GPATCH1: variants seen among roughly 807,000 people sequenced by gnomAD.
GPATCH1 encodes G patch domain-containing protein 1.
A neutral mutation model predicts 114.9 loss-of-function variants in GPATCH1; 73 were observed. That is an observed-to-expected ratio of 0.64 (90% confidence interval 0.53 to 0.77). The LOEUF (loss-of-function observed/expected upper bound fraction) is 0.77. Ranked by LOEUF, GPATCH1 falls within the 30% of genes least tolerant of loss-of-function variation. The pLI is 0.00. For missense variants in GPATCH1, 1,058 were observed against 1,144.3 expected (o/e 0.92, Z 1.09); for synonymous variants, 391 against 428.4 (o/e 0.91, Z 1.08).
chr19:33,085,140 C>T (rs1172800968), intron 1 of GPATCH1, among the ~76,000 whole-genome samples: 3 of 152,126 alleles, frequency 2.0e-5, no homozygotes, highest in Non-Finnish European at 4.4e-5. Flanking sequence ...GTCCTGAGAA[C>T]GGGAGCAGAG....
chr19:33,097,751 A>T lies in GPATCH1; in HGVS notation c.853-4A>T. 6.2e-7 allele frequency: 1 copy of T among 1,613,284 alleles called. No homozygotes were observed. Among genetic ancestry groups the T allele is most frequent in the Admixed American group, 1.7e-5 (1 of 59,870 alleles). On this transcript the variant is annotated splice_region_variant and splice_polypyrimidine_tract_variant and intron_variant, in intron 7 of 19. Coordinates refer to ENST00000170564, the MANE Select transcript of GPATCH1 (RefSeq NM_018025.3). ...GCTCAGTTTGAAACCTTGTTTTTTT[A>T]AAGGCTTTTGGTGTAGGTGCCCTGG...
At chr19:33,096,124 T>G in intron 6 of GPATCH1, 83 bp from the exon 7 acceptor site, 4 of 1,371,480 alleles carry the variant, frequency 2.9e-6, no homozygotes, top group Non-Finnish European at 4.1e-6. Context: ...GTGGCATTAA[T>G]CACTGCGTTT....
chr19:33,092,142 G>A (rs564320582), intron 3 of GPATCH1, among the ~76,000 whole-genome samples: 1 of 151,886 alleles, frequency 6.6e-6, no homozygotes, highest in Non-Finnish European at 1.5e-5. Flanking sequence ...TGCTTGCCAG[G>A]TTCAAGTGAT....
chr19:33,100,325 T>C (rs7257858), intron 8 of GPATCH1: 62,905 of 151,516 alleles, frequency 0.42, 16,487 homozygotes, highest in African/African-American at 0.73. Flanking sequence ...TGCATTGGCT[T>C]ACACCTGTAA....
chr19:33,097,983 G>A, intron 8 of GPATCH1, 81 bp downstream of exon 8: 3 of 1,268,890 alleles, frequency 2.4e-6, no homozygotes, highest in Non-Finnish European at 3.4e-6. Flanking sequence ...CGATACAGGA[G>A]CACCAGCCTC....
chr19:33,100,105 A>G (rs901586793), intron 8 of GPATCH1: 1 of 150,814 alleles, frequency 6.6e-6, no homozygotes, highest in Admixed American at 6.6e-5. Context: ...TTTTTTTTCC[A>G]TGATCAATAG....
rs2287681 is a variant in GPATCH1, at chr19:33,117,827, C to A, written c.2199C>A (p.Thr733=). Residue 733 remains threonine, a splice_region_variant and synonymous_variant, in exon 16 of 20, where the codon ACC becomes ACA. Transcript: ENST00000170564. ...EHAPELSANQ[T]VNKDVDAQAE... Reference sequence around the variant, plus strand: ...CTCTTATTTCACTGTCAATACAGACCGTCAACAAAGATGTGGACGCACAGG... The same window carrying A: ...CTCTTATTTCACTGTCAATACAGACAGTCAACAAAGATGTGGACGCACAGG... The A allele has an allele frequency of 0.26, 422,726 of 1,606,750 alleles. 60,902 individuals carry two copies. The highest frequency in any genetic ancestry group is 0.52 in the East Asian group (23,277 of 44,796).
At chr19:33,120,045 T>TTATATA (rs1292982429) in intron 17 of GPATCH1, among the ~76,000 whole-genome samples, 155 of 137,532 alleles carry the variant, frequency 1.1e-3, no homozygotes, top group Non-Finnish European at 1.9e-3. Flanking sequence ...TATTTATATT[T>TTATATA]TATATATTTA....
chr19:33,111,643 A>AGTG, intron 11 of GPATCH1, 81 bp from the exon 12 acceptor site: 1 of 1,212,448 alleles, frequency 8.2e-7, no homozygotes, highest in Non-Finnish European at 1.2e-6. Flanking sequence ...ACAGGGATAC[A>AGTG]GTGGTGCCCA....
At chr19:33,110,957 CA>C (rs969937473) in intron 11 of GPATCH1, among the ~76,000 whole-genome samples, 57 of 129,948 alleles carry the variant, frequency 4.4e-4, no homozygotes, top group Non-Finnish European at 6.2e-4. Context: ...CTGCCTCTAC[CA>C]AAAAAAAAAA....
At chr19:33,085,583 A>G (rs1972527399) in intron 1 of GPATCH1, among the ~76,000 whole-genome samples, 1 of 152,128 alleles carries the variant, frequency 6.6e-6, no homozygotes, top group Non-Finnish European at 1.5e-5. Context: ...AGGGAATGAG[A>G]GGAAGGAACA....
chr19:33,128,477 G>T (rs906628419), intron 19 of GPATCH1, among the ~76,000 whole-genome samples: 1 of 152,156 alleles, frequency 6.6e-6, no homozygotes, highest in Non-Finnish European at 1.5e-5. Context: ...AGCCAGGATG[G>T]TCTCAATCTC....
intron 15 of GPATCH1, among the ~76,000 whole-genome samples, chr19:33,115,355 C>T (rs1048602704): frequency 3.3e-5 from 5 of 150,288 alleles, no homozygotes; most frequent in African/African-American, 1.2e-4. Context: ...GGATTACAGG[C>T]GTGAGCCACC....
rs143584118 is a variant in GPATCH1 at position 33,088,213 on chromosome 19, G to A, written c.153G>A (p.Gly51=). Residue 51 remains glycine (G), a synonymous_variant, in exon 2 of 20, where the codon GGG becomes GGA. Coordinates refer to ENST00000170564, the MANE Select transcript of GPATCH1 (RefSeq NM_018025.3). ...AAGGAAGGTATAAACGATTCCACGG[G>A]GCCTTTAGTGGAGGTTTCTCTGCTG... The part of the protein sequence containing the change: ...DEKGRYKRFH[G]AFSGGFSAGY... 1 of 1,603,832 alleles carries A rather than the reference G, an allele frequency of 6.2e-7. No homozygotes were observed. Among genetic ancestry groups the A allele is most frequent in the South Asian group, 1.1e-5 (1 of 90,388 alleles).
intron 8 of GPATCH1, among the ~76,000 whole-genome samples, chr19:33,098,108 G>C (rs80223272): frequency 0.03 from 4,593 of 152,334 alleles, 229 homozygotes; most frequent in African/African-American, 0.1. Context: ...TGTCAAGGTG[G>C]GGCCCAGGTG....
chr19:33,093,480 C>T lies in GPATCH1; in HGVS notation c.416C>T (p.Pro139Leu). 1 of 1,614,012 alleles carries T rather than the reference C, an allele frequency of 6.2e-7. No individual in the cohort carries two copies. The highest frequency in any genetic ancestry group is 1.3e-5 in the African/African-American group (1 of 75,028). ...RQLAAATAPI[P>L]GATLLDDLIT... Reference sequence around the variant, plus strand: ...TTGGCCGCTGCTACTGCCCCTATTCCTGGAGCCACCCTCCTTGATGACCTC... The same window carrying T: ...TTGGCCGCTGCTACTGCCCCTATTCTTGGAGCCACCCTCCTTGATGACCTC... The change falls in exon 4 of 20, where the codon CCT becomes CTT. Residue 139 changes from proline (P) to leucine (L), a missense_variant. Physicochemically the swap from Pro to Leu is moderately conservative, Grantham distance 98. Coordinates refer to ENST00000170564, the MANE Select transcript of GPATCH1 (RefSeq NM_018025.3).
At chr19:33,098,844 C>T (rs1211441897) in intron 8 of GPATCH1, among the ~76,000 whole-genome samples, 3 of 151,996 alleles carry the variant, frequency 2.0e-5, no homozygotes, top group Non-Finnish European at 4.4e-5. Context: ...GGCATGTGTA[C>T]CCAGTGTTAG....
At chr19:33,089,962 G>C (rs147778786) in intron 2 of GPATCH1, among the ~76,000 whole-genome samples, 1 of 152,128 alleles carries the variant, frequency 6.6e-6, no homozygotes, top group Admixed American at 6.6e-5. Context: ...TTGAGACAGG[G>C]TCTCACTCTG....
chr19:33,128,436 A>G (rs1176589039), intron 19 of GPATCH1, among the ~76,000 whole-genome samples: 1 of 152,078 alleles, frequency 6.6e-6, no homozygotes, highest in Non-Finnish European at 1.5e-5. Context: ...AATTTTTTGT[A>G]TATTTAGTAG....
Sources: gnomAD v4.1 joint callset for allele counts (sites outside exome capture counted in the v4.1 genomes callset) on GRCh38, gnomAD v4.1.1 for gene constraint, MANE v1.5 for transcripts, NCBI Gene and HGNC (gene_info 2026-07-23, HGNC 2026-07-21) for gene names.